MYO16: variants seen among roughly 807,000 people sequenced by gnomAD.
MYO16 encodes the protein unconventional myosin-XVI.
Under a neutral mutation model 205.3 loss-of-function variants are expected in MYO16, and 94 were observed. The ratio of observed to expected loss-of-function variants is 0.46; its 90% CI spans 0.39 to 0.54. The LOEUF (loss-of-function observed/expected upper bound fraction) is 0.54. MYO16 is among the 20% of genes least tolerant of loss of function. The pLI is 0.00. For missense variants in MYO16, 2,315 were observed against 2,387.5 expected, an observed-to-expected ratio of 0.97 and a Z score of 0.63; for synonymous variants, 988 against 954.0, an observed-to-expected ratio of 1.04 and a Z score of -0.66.
intron 2 of MYO16, among the ~76,000 whole-genome samples, chr13:108,695,374 A>G (rs751173579): frequency 6.6e-6 from 1 of 152,104 alleles, no homozygotes; most frequent in African/African-American, 2.4e-5. Context: ...ATTCCATTTC[A>G]TTGGTCTATA....
intron 23 of MYO16, among the ~76,000 whole-genome samples, chr13:109,042,108 C>T (rs146131836): frequency 2.0e-5 from 3 of 152,286 alleles, no homozygotes; most frequent in Admixed American, 1.3e-4. Flanking sequence ...AAGTGATCCA[C>T]CCGCCTCGGC....
chr13:108,936,736 A>G (rs1016583296), intron 16 of MYO16, among the ~76,000 whole-genome samples: 1 of 152,070 alleles, frequency 6.6e-6, no homozygotes, highest in Non-Finnish European at 1.5e-5. Flanking sequence ...TGTGAGGTGG[A>G]TCTCTTAAAG....
chr13:109,084,517 A>C (rs908972971), intron 27 of MYO16, among the ~76,000 whole-genome samples: 6 of 152,232 alleles, frequency 3.9e-5, no homozygotes, highest in African/African-American at 1.4e-4. Context: ...TATGCCATAC[A>C]TCACTCGTGT....
rs762038297 is a variant in MYO16, at chr13:108,883,164, C to T, written c.1531C>T (p.Arg511Trp). 7 of 1,613,668 alleles carry T rather than the reference C, an allele frequency of 4.3e-6. No individual in the cohort carries two copies. Among genetic ancestry groups the T allele is most frequent in the South Asian group, 2.2e-5 (2 of 90,992 alleles). Residue 511 changes from arginine to tryptophan, a missense_variant, in exon 13 of 35, where the codon CGG becomes TGG. This residue lies in a region of MYO16 where 1,213 missense variants were observed against 1,274.4 expected (regional missense o/e 0.95). Transcript: ENST00000457511. ...CTTTCACCAGCTCTTCCGGGAACAGCGGCCTCAGTGTTTCATCCTCAGGTG... is the reference window on the plus strand; with the variant it reads ...CTTTCACCAGCTCTTCCGGGAACAGTGGCCTCAGTGTTTCATCCTCAGGTG... ...RAFHQLFREQ[R>W]PQCFILSGER...
the MYO16 span, among the ~76,000 whole-genome samples, chr13:108,565,484 C>A: frequency 6.6e-6 from 1 of 152,058 alleles, no homozygotes; most frequent in Non-Finnish European, 1.5e-5. Flanking sequence ...ATTTCTGACT[C>A]TTGGCATATA....
At chr13:109,102,885 C>T (rs1219569716) in intron 28 of MYO16, among the ~76,000 whole-genome samples, 2 of 152,108 alleles carry the variant, frequency 1.3e-5, no homozygotes, top group Non-Finnish European at 2.9e-5. Flanking sequence ...ATTTTCTCCA[C>T]ACTTTTCACC....
chr13:108,964,649 C>T, intron 19 of MYO16, 112 bp from the exon 20 acceptor site: 1 of 1,127,824 alleles, frequency 8.9e-7, no homozygotes, highest in Non-Finnish European at 1.3e-6. Flanking sequence ...AATTTTTATA[C>T]ATCACTTGTC....
the MYO16 span, among the ~76,000 whole-genome samples, chr13:108,562,756 A>G: frequency 1.2e-3 from 186 of 152,300 alleles, 1 homozygote; most frequent in African/African-American, 4.1e-3. Context: ...TGCCTAAAGT[A>G]TTTAGTATAG....
rs141981305 is a variant in MYO16, at chr13:108,707,802, A to G, written c.293-4859A>G. On this transcript the variant is annotated intron_variant, in intron 2 of 34. Transcript: ENST00000457511. ...GTCTTAAAGGGACCATCTGCACCAG[A>G]ATCTCCTGCAGTGTGTGTGCATGTG... Among the ~76,000 whole-genome samples, 164 of 152,292 alleles carry G rather than the reference A, an allele frequency of 1.1e-3. 2 individuals carry two copies. The East Asian group carries it at 0.026, about 24-fold the overall frequency.
the MYO16 span, among the ~76,000 whole-genome samples, chr13:108,563,681 T>C: frequency 6.6e-6 from 1 of 152,216 alleles, no homozygotes; most frequent in Admixed American, 6.5e-5. Context: ...TCATTCTTAT[T>C]TATGGCTTGA....
chr13:109,048,212 G>T (rs1887113668), intron 24 of MYO16: 65 of 480,578 alleles, frequency 1.4e-4, no homozygotes, highest in Non-Finnish European at 1.7e-4. Context: ...TATTTAGAAT[G>T]AAAATATGAT....
chr13:108,700,924 C>T (rs1883282976), intron 2 of MYO16, among the ~76,000 whole-genome samples: 1 of 152,066 alleles, frequency 6.6e-6, no homozygotes, highest in Non-Finnish European at 1.5e-5. Flanking sequence ...AGGCTTTGCA[C>T]AAATAGGAAG....
At chr13:108,739,863 C>G (rs541451488) in intron 4 of MYO16, among the ~76,000 whole-genome samples, 1 of 152,164 alleles carries the variant, frequency 6.6e-6, no homozygotes, top group African/African-American at 2.4e-5. Flanking sequence ...CTAAACTTCT[C>G]TTCTCACTTC....
chr13:108,892,075 C>G (rs1880202413), intron 14 of MYO16, among the ~76,000 whole-genome samples: 1 of 152,030 alleles, frequency 6.6e-6, no homozygotes, highest in African/African-American at 2.4e-5. Flanking sequence ...TTATTCTTCT[C>G]TAATAGATCC....
intron 28 of MYO16, among the ~76,000 whole-genome samples, chr13:109,115,739 A>G (rs1463529971): frequency 6.6e-6 from 1 of 152,234 alleles, no homozygotes; most frequent in African/African-American, 2.4e-5. Context: ...TTAATAGACA[A>G]TGTAAATCCA....
In MYO16 at chr13:109,052,410, C is replaced by A. The variant is rs767578972; in HGVS notation, c.2983C>A (p.Leu995Ile). The change falls in exon 25 of 35, where the codon CTC becomes ATC. Residue 995 changes from leucine (L) to isoleucine (I), a missense_variant. Physicochemically the swap from Leu to Ile is conservative, Grantham distance 5. Around this residue, in one of 3 missense-constraint regions of MYO16, gnomAD observed 1,213 missense variants for 1,274.4 expected, o/e 0.95. Transcript: ENST00000457511. ...ATTCCGAGGACATAAGTCTGCCCTG[C>A]TCAGTAAGAAAATGACAGCTTCTTC... is the stretch of plus-strand genomic sequence containing the variant. ...FKFRGHKSAL[L>I]SKKMTASSII... 1 of 1,612,594 alleles carries A rather than the reference C, an allele frequency of 6.2e-7. No individual in the cohort carries two copies. The highest frequency in any genetic ancestry group is 8.5e-7 in the Non-Finnish European group (1 of 1,178,946).
chr13:108,504,247 G>C, the MYO16 span, among the ~76,000 whole-genome samples: 1 of 150,508 alleles, frequency 6.6e-6, no homozygotes, highest in Non-Finnish European at 1.5e-5. Context: ...TCAGCCTCAC[G>C]AGTAGCTGGG....
At chr13:109,188,900 C>G (rs1928145) in intron 34 of MYO16, among the ~76,000 whole-genome samples, 76,602 of 151,798 alleles carry the variant, frequency 0.5, 20,346 homozygotes, top group African/African-American at 0.65. Flanking sequence ...TCGAGACCAC[C>G]CTGGCCAACC....
At chr13:108,711,122 TAC>T (rs1283335686) in intron 2 of MYO16, among the ~76,000 whole-genome samples, 1 of 152,162 alleles carries the variant, frequency 6.6e-6, no homozygotes, top group African/African-American at 2.4e-5. Context: ...AGCATCTCCA[TAC>T]CACGAAACAG....
Sources: gnomAD v4.1 joint callset for allele counts (sites outside exome capture counted in the v4.1 genomes callset) on GRCh38, gnomAD v4.1.1 for gene constraint, gnomAD v4.1.1 regional missense constraint, MANE v1.5 for transcripts, NCBI Gene and HGNC (gene_info 2026-07-23, HGNC 2026-07-21) for gene names.